Variants in RHOBTB1 observed in about 807,000 individuals in gnomAD.
The protein encoded by RHOBTB1 is Rho related BTB domain containing 1.
Under a neutral mutation model 71.6 loss-of-function variants are expected in RHOBTB1, and 40 were observed. That is an observed-to-expected ratio of 0.56 (90% CI 0.43 to 0.73). RHOBTB1 has a LOEUF of 0.73. RHOBTB1 is among the 30% of genes least tolerant of loss of function. The pLI, the probability that RHOBTB1 is intolerant of heterozygous loss-of-function variation, is 0.00. For synonymous variants in RHOBTB1, 319 were observed against 334.9 expected (o/e 0.95, Z 0.52); for missense variants, 797 against 894.0 (o/e 0.89, Z 1.38).
At chr10:60,883,109 C>A (rs146871240) in intron 7 of RHOBTB1, among the ~76,000 whole-genome samples, 3 of 152,178 alleles carry the variant, frequency 2.0e-5, no homozygotes, top group African/African-American at 4.8e-5. Context: ...CGGGAAGGGG[C>A]GAGAATGTCG....
chr10:60,953,694 A>G lies in RHOBTB1; in HGVS notation c.-61-11840T>C, dbSNP rs546227071. Among the ~76,000 whole-genome samples, 5 of 152,318 alleles carry G rather than the reference A, an allele frequency of 3.3e-5. No individual in the cohort carries two copies. In the South Asian group the frequency reaches 1.0e-3, roughly 32 times the overall value. ...AGTGATAACAGAATAGTCTAGTGTC[A>G]TAACAGTATCTTGTTTATACTGTAA... On this transcript the variant is annotated intron_variant, in intron 2 of 11. Transcript: ENST00000357917.
At chr10:60,882,620 G>A (rs887907236) in intron 7 of RHOBTB1, among the ~76,000 whole-genome samples, 1 of 152,026 alleles carries the variant, frequency 6.6e-6, no homozygotes, top group East Asian at 1.9e-4. Flanking sequence ...ATGGTGTGGG[G>A]GGTGGGAGGG....
At chr10:61,001,679 C>G (rs951392502), upstream of RHOBTB1, among the ~76,000 whole-genome samples, 3 of 152,236 alleles carry the variant, frequency 2.0e-5, no homozygotes, top group African/African-American at 7.2e-5. Context: ...GCCCCAACGC[C>G]TAGGCGGTCC....
chr10:60,945,948 GGC>G (rs1377867168), upstream of RHOBTB1, among the ~76,000 whole-genome samples: 2 of 152,200 alleles, frequency 1.3e-5, no homozygotes, highest in African/African-American at 4.8e-5. Context: ...GGGAGGCCGA[GGC>G]GCGCGGATCA....
At chr10:60,894,826 T>G (rs1170548994) in intron 4 of RHOBTB1, among the ~76,000 whole-genome samples, 3 of 152,236 alleles carry the variant, frequency 2.0e-5, no homozygotes, top group Non-Finnish European at 4.4e-5. Context: ...TATTTCCCTA[T>G]TAAGACACAT....
At chr10:60,867,229 C>T (rs555197624), downstream of RHOBTB1, among the ~76,000 whole-genome samples, 70 of 152,260 alleles carry the variant, frequency 4.6e-4, 1 homozygote, top group South Asian at 4.2e-4. Flanking sequence ...CTGGGACTAC[C>T]ATGAATCATC....
chr10:60,989,239 A>C (rs751608188), intron 1 of RHOBTB1, among the ~76,000 whole-genome samples: 1 of 152,222 alleles, frequency 6.6e-6, no homozygotes, highest in Non-Finnish European at 1.5e-5. Context: ...TTCTTAAAAC[A>C]CAAATTTGAC....
At chr10:60,986,258 C>T (rs2086655858) in intron 1 of RHOBTB1, among the ~76,000 whole-genome samples, 1 of 151,854 alleles carries the variant, frequency 6.6e-6, no homozygotes, top group South Asian at 2.1e-4. Flanking sequence ...ATACCAGTTA[C>T]TCAGTGGGAC....
chr10:60,898,094 C>T (rs1259767507), intron 4 of RHOBTB1, among the ~76,000 whole-genome samples: 1 of 152,112 alleles, frequency 6.6e-6, no homozygotes, highest in Non-Finnish European at 1.5e-5. Flanking sequence ...TAGGATCCCA[C>T]CTCTTTATAT....
chr10:60,922,462 T>C (rs2083621696), intron 2 of RHOBTB1, among the ~76,000 whole-genome samples: 1 of 152,156 alleles, frequency 6.6e-6, no homozygotes, highest in South Asian at 2.1e-4. Flanking sequence ...AGTAACCACA[T>C]ACCAGAAACT....
At chr10:60,913,176 T>C (rs2083081513) in intron 2 of RHOBTB1, among the ~76,000 whole-genome samples, 1 of 152,202 alleles carries the variant, frequency 6.6e-6, no homozygotes, top group South Asian at 2.1e-4. Flanking sequence ...TATTGGAACA[T>C]GGACTGTCTC....
rs766860154 is a variant in RHOBTB1, at chr10:60,874,877, C to T, written c.1815+77G>A. ...GGTGACATCTTCATTTAGACAGATG[C>T]AACAATGGAATGTTTTATCAGCATT... On this transcript the variant is annotated intron_variant, in intron 9 of 10. Transcript: ENST00000337910. 3.1e-5 allele frequency: 31 copies of T among 999,994 alleles called. 1 individual carries two copies. The highest frequency in any genetic ancestry group is 6.5e-5 in the South Asian group (5 of 76,706). 61.9% of individuals were successfully genotyped at this position (999,994 alleles called of 1,614,324 possible).
upstream of RHOBTB1, among the ~76,000 whole-genome samples, chr10:60,944,424 A>C (rs1009095120): frequency 6.6e-6 from 1 of 152,082 alleles, no homozygotes; most frequent in Admixed American, 6.5e-5. Flanking sequence ...ACGGGTGGCA[A>C]AGGTTCCTCG....
chr10:60,991,273 A>C (rs1164859367), intron 1 of RHOBTB1, among the ~76,000 whole-genome samples: 1 of 152,096 alleles, frequency 6.6e-6, no homozygotes, highest in Non-Finnish European at 1.5e-5. Context: ...AAAAACGATA[A>C]ACAACAAAAA....
chr10:60,900,647 C>T (rs998443819), intron 4 of RHOBTB1, among the ~76,000 whole-genome samples: 1 of 152,038 alleles, frequency 6.6e-6, no homozygotes, highest in Admixed American at 6.5e-5. Flanking sequence ...AATTAAAAGG[C>T]CTTATGGATA....
intron 2 of RHOBTB1, among the ~76,000 whole-genome samples, chr10:60,953,944 T>C (rs1213041170): frequency 6.8e-6 from 1 of 147,858 alleles, no homozygotes; most frequent in African/African-American, 2.5e-5. Flanking sequence ...CATTAAGTTA[T>C]ATAAAGTGTA....
In RHOBTB1 at chr10:60,888,636, G is replaced by A. The variant is rs1332231684; in HGVS notation, c.1032C>T (p.Asp344=). The change falls in exon 6 of 11, where the codon GAC becomes GAT. Residue 344 remains aspartate (D), a synonymous_variant. Coordinates refer to ENST00000337910, the MANE Select transcript of RHOBTB1 (RefSeq NM_014836.5). ...EEGPPRIPQA[D]QWKSSNKSLV... ...GGCTCTTGTTTGAAGACTTCCACTG[G>A]TCGGCCTGAGGAATCCTAGGCGGGC... The A allele has an allele frequency of 1.9e-6, 3 of 1,614,184 alleles. No homozygotes were observed. The highest frequency in any genetic ancestry group is 2.5e-6 in the Non-Finnish European group (3 of 1,180,040).
chr10:60,989,489 C>T (rs773991830), intron 1 of RHOBTB1, among the ~76,000 whole-genome samples: 2 of 152,194 alleles, frequency 1.3e-5, no homozygotes, highest in African/African-American at 2.4e-5. Flanking sequence ...GTTTACTCAG[C>T]CTTATCTCTC....
In RHOBTB1 at chr10:60,903,782, G is replaced by A. The variant is rs144194034; in HGVS notation, c.296+7105C>T. On this transcript the variant is annotated intron_variant, in intron 4 of 10. Transcript: ENST00000337910. ...TGTGACAGTATGACAGTGTCCCATC[G>A]TTAGTTTCAGGGTTATATTCAGCTA... Among the ~76,000 whole-genome samples the A allele has an allele frequency of 4.5e-3, 678 of 152,158 alleles. 4 individuals carry two copies. Among genetic ancestry groups the A allele is most frequent in the Non-Finnish European group, 5.9e-3 (403 of 68,000 alleles).
Sources: allele counts gnomAD v4.1 joint callset (sites outside exome capture counted in the v4.1 genomes callset), GRCh38; gene constraint gnomAD v4.1.1; transcripts MANE v1.5; gene names NCBI Gene and HGNC (gene_info 2026-07-23, HGNC 2026-07-21).